The following INPP4B variants were observed in gnomAD, a reference collection of about 807,000 sequenced individuals.
INPP4B encodes the protein inositol polyphosphate-4-phosphatase type II B.
In INPP4B, 55 loss-of-function variants were observed where a neutral mutation model predicts 122.5. The observed-to-expected ratio is 0.45, with a 90% CI of 0.36 to 0.56. The LOEUF (loss-of-function observed/expected upper bound fraction) is 0.56. INPP4B is among the 20% of genes least tolerant of loss of function. The pLI, the probability that INPP4B is intolerant of heterozygous loss-of-function variation, is 0.00. For missense variants in INPP4B, 1,000 were observed against 1,097.7 expected (o/e 0.91, Z 1.26); for synonymous variants, 403 against 388.7 (o/e 1.04, Z -0.43).
intron 1 of INPP4B, among the ~76,000 whole-genome samples, chr4:142,737,685 A>G (rs1448253771): frequency 1.3e-5 from 2 of 151,988 alleles, no homozygotes; most frequent in African/African-American, 4.8e-5. Flanking sequence ...AACCTACAGA[A>G]TGGGAGAAAA....
chr4:142,290,735 T>A (rs1321133754), intron 9 of INPP4B, among the ~76,000 whole-genome samples: 1 of 152,130 alleles, frequency 6.6e-6, no homozygotes, highest in Non-Finnish European at 1.5e-5. Context: ...TCCAATGAGA[T>A]TGGCACTGAT....
At chr4:142,297,440 A>G (rs1372589205) in intron 9 of INPP4B, among the ~76,000 whole-genome samples, 2 of 152,216 alleles carry the variant, frequency 1.3e-5, no homozygotes, top group African/African-American at 4.8e-5. Context: ...TGTTGGAGTC[A>G]TGGGGGCAAA....
chr4:142,459,752 C>T (rs1816318256), intron 3 of INPP4B, among the ~76,000 whole-genome samples: 1 of 152,076 alleles, frequency 6.6e-6, no homozygotes, highest in African/African-American at 2.4e-5. Flanking sequence ...TATCTGCGTC[C>T]TAGCACTGTT....
At chr4:142,593,303 T>C (rs1737943355) in intron 2 of INPP4B, among the ~76,000 whole-genome samples, 1 of 152,092 alleles carries the variant, frequency 6.6e-6, no homozygotes, top group Non-Finnish European at 1.5e-5. Flanking sequence ...ATTCTATGCC[T>C]GCAACTGACC....
intron 1 of INPP4B, among the ~76,000 whole-genome samples, chr4:142,787,791 C>A (rs1263802206): frequency 6.6e-6 from 1 of 151,920 alleles, no homozygotes; most frequent in Non-Finnish European, 1.5e-5. Context: ...TGGAGGAACA[C>A]ACACATAAAA....
intron 14 of INPP4B, among the ~76,000 whole-genome samples, chr4:142,207,916 C>T (rs1405985423): frequency 6.6e-6 from 1 of 152,022 alleles, no homozygotes; most frequent in African/African-American, 2.4e-5. Flanking sequence ...TTCTCTTTGA[C>T]AAATATTTCT....
At chr4:142,843,698 C>CT (rs11444297) in intron 1 of INPP4B, among the ~76,000 whole-genome samples, 67,209 of 151,696 alleles carry the variant, frequency 0.44, 16,638 homozygotes, top group African/African-American at 0.67. Context: ...TCCATAATTT[C>CT]TTAACTTTTT....
At chr4:142,334,860 A>G (rs184141535) in intron 7 of INPP4B, among the ~76,000 whole-genome samples, 3 of 151,828 alleles carry the variant, frequency 2.0e-5, no homozygotes, top group Non-Finnish European at 4.4e-5. Context: ...TACATATTTT[A>G]TATATTAGCC....
intron 1 of INPP4B, among the ~76,000 whole-genome samples, chr4:142,730,405 G>T (rs1335678809): frequency 3.9e-5 from 6 of 152,158 alleles, no homozygotes; most frequent in Admixed American, 3.9e-4. Flanking sequence ...TACATTCCAT[G>T]AATTTTACAT....
At chr4:142,836,972 C>A (rs2151199318) in intron 1 of INPP4B, among the ~76,000 whole-genome samples, 1 of 151,822 alleles carries the variant, frequency 6.6e-6, no homozygotes, top group African/African-American at 2.4e-5. Context: ...TCGTAACCAG[C>A]CTCACCAACA....
At chr4:142,670,261 T>C (rs1380051944) in intron 2 of INPP4B, among the ~76,000 whole-genome samples, 1 of 152,090 alleles carries the variant, frequency 6.6e-6, no homozygotes, top group Non-Finnish European at 1.5e-5. Context: ...GCTGTAGAAC[T>C]ACCATATGAT....
At chr4:142,700,087 A>G (rs999728815) in intron 2 of INPP4B, among the ~76,000 whole-genome samples, 2 of 152,084 alleles carry the variant, frequency 1.3e-5, no homozygotes, top group Non-Finnish European at 2.9e-5. Context: ...AGATTTGCCT[A>G]TACTCATGGT....
rs58524031 is a variant in INPP4B at position 142,318,631 on chromosome 4, TATG to T, written c.373-3872_373-3870del. Among the ~76,000 whole-genome samples the T allele has an allele frequency of 7.5e-4, 114 of 152,348 alleles. 1 individual carries two copies. The highest frequency in any genetic ancestry group is 2.7e-3 in the African/African-American group (112 of 41,586). On this transcript the variant is annotated intron_variant, in intron 7 of 25. Transcript: ENST00000262992. ...TACAGCTTCCTTTTGTCTAGACTTT[TATG>T]ATGTCAAATAAAGCAAGGCAGACCA...
intron 2 of INPP4B, among the ~76,000 whole-genome samples, chr4:142,706,756 CTA>C (rs1340511116): frequency 1.3e-5 from 2 of 152,218 alleles, no homozygotes; most frequent in African/African-American, 2.4e-5. Flanking sequence ...GCATTATACA[CTA>C]TGCATTTGCT....
At chr4:142,300,260 T>A (rs2151109007) in intron 9 of INPP4B, among the ~76,000 whole-genome samples, 1 of 152,294 alleles carries the variant, frequency 6.6e-6, no homozygotes, top group African/African-American at 2.4e-5. Flanking sequence ...CAGTTTTATC[T>A]TTTTATCACT....
chr4:142,165,596 G>T (rs907497977), intron 16 of INPP4B, among the ~76,000 whole-genome samples: 7 of 151,692 alleles, frequency 4.6e-5, no homozygotes, highest in Non-Finnish European at 5.9e-5. Flanking sequence ...GTGATACCCA[G>T]TAATGTTCAA....
chr4:142,203,056 A>G (rs1362759454), intron 14 of INPP4B, among the ~76,000 whole-genome samples: 1 of 152,136 alleles, frequency 6.6e-6, no homozygotes, highest in Non-Finnish European at 1.5e-5. Context: ...AAGAGAATCC[A>G]CGAGTGAAAC....
intron 9 of INPP4B, among the ~76,000 whole-genome samples, chr4:142,273,020 G>C (rs755602720): frequency 1.2e-4 from 18 of 151,972 alleles, no homozygotes; most frequent in South Asian, 6.2e-4. Context: ...GTAATAAACC[G>C]TATATGTCAT....
rs141582193 is a variant in INPP4B at position 142,270,069 on chromosome 4, G to C, written c.615+594C>G. Among the ~76,000 whole-genome samples the C allele has an allele frequency of 3.3e-5, 5 of 152,176 alleles. No homozygotes were observed. In the East Asian group the frequency reaches 9.7e-4, roughly 29 times the overall value. ...GAACAGAAAGAAAGAAAGAATCCTG[G>C]ACACATATTTATATGCATCAGGCCT... On this transcript the variant is annotated intron_variant, in intron 10 of 25. Coordinates refer to ENST00000262992, the MANE Select transcript of INPP4B (RefSeq NM_001101669.3).
Sources: allele counts gnomAD v4.1 joint callset (sites outside exome capture counted in the v4.1 genomes callset), GRCh38; gene constraint gnomAD v4.1.1; transcripts MANE v1.5; gene names NCBI Gene and HGNC (gene_info 2026-07-23, HGNC 2026-07-21).